Variants in PDE11A observed in about 807,000 individuals in gnomAD.
The protein encoded by PDE11A is phosphodiesterase 11A, also known as dual 3',5'-cyclic-AMP and -GMP phosphodiesterase 11A.
In PDE11A, 100 loss-of-function variants were observed where a neutral mutation model predicts 100.5. The ratio of observed to expected loss-of-function variants is 1.00; its 90% CI spans 0.85 to 1.18. The LOEUF (loss-of-function observed/expected upper bound fraction) is 1.18. Among genes scored for constraint, PDE11A ranks in the 50% most tolerant of loss-of-function variants. PDE11A has a pLI of 0.00. For missense variants in PDE11A, 1,141 were observed against 1,152.6 expected (o/e 0.99, Z 0.15); for synonymous variants, 381 against 420.8 (o/e 0.91, Z 1.16).
intron 2 of PDE11A, among the ~76,000 whole-genome samples, chr2:177,912,242 G>A (rs1047280425): frequency 1.3e-5 from 2 of 152,090 alleles, no homozygotes; most frequent in African/African-American, 4.8e-5. Context: ...TTAGGACAGG[G>A]AAATTGAGGT....
chr2:177,709,633 G>A (rs986175012), intron 13 of PDE11A, among the ~76,000 whole-genome samples: 4 of 152,202 alleles, frequency 2.6e-5, no homozygotes, highest in Non-Finnish European at 4.4e-5. Flanking sequence ...GAAGGATCGT[G>A]AAGAGTGAGA....
chr2:178,105,752 T>C, intron 1 of PDE11A: 4 of 1,117,704 alleles, frequency 3.6e-6, no homozygotes, highest in Non-Finnish European at 4.7e-6. Flanking sequence ...ACCTCACAGC[T>C]CTGAGCCCCT....
rs565303705 is a variant in PDE11A at position 177,626,942 on chromosome 2, C to G, written c.*2465G>C. ...ATTTCCCTTAACCACCTGTCTCGGTCCCTGTCTTTCCTTTACTGGTGTTCT... is the reference window on the plus strand; with the variant it reads ...ATTTCCCTTAACCACCTGTCTCGGTGCCTGTCTTTCCTTTACTGGTGTTCT... On this transcript the variant is annotated 3_prime_UTR_variant, in exon 20 of 20. Coordinates refer to ENST00000286063, the MANE Select transcript of PDE11A (RefSeq NM_016953.4). The G allele has an allele frequency of 6.8e-6, 1 of 146,306 alleles. No homozygotes were observed. Among genetic ancestry groups the G allele is most frequent in the East Asian group, 2.0e-4 (1 of 5,018 alleles). The allele number at this position is 146,306 out of a possible 1,614,324, so 9.1% of individuals were successfully genotyped here. A position where few individuals can be genotyped will look rare whatever the true frequency, so the allele number is the denominator to read the frequency against.
At chr2:177,992,774 C>T (rs1234595276) in intron 2 of PDE11A, among the ~76,000 whole-genome samples, 1 of 152,104 alleles carries the variant, frequency 6.6e-6, no homozygotes, top group Non-Finnish European at 1.5e-5. Flanking sequence ...CAAATATCAG[C>T]CTTAACAAAG....
rs1358550372 is a variant in PDE11A at position 177,625,335 on chromosome 2, T to C, written c.*4072A>G. On this transcript the variant is annotated 3_prime_UTR_variant, in exon 20 of 20. Coordinates refer to ENST00000286063, the MANE Select transcript of PDE11A (RefSeq NM_016953.4). ...GGTGTGGGGACTGAATAAAAGTCAGTGCTTTTATGTAATAGATGGAGATTC... is the reference window on the plus strand; with the variant it reads ...GGTGTGGGGACTGAATAAAAGTCAGCGCTTTTATGTAATAGATGGAGATTC... 1 of 152,672 alleles carries C rather than the reference T, an allele frequency of 6.5e-6. No individual in the cohort carries two copies. The highest frequency in any genetic ancestry group is 6.5e-5 in the Admixed American group (1 of 15,290). The allele number at this position is 152,672 out of a possible 1,614,324, so 9.5% of individuals were successfully genotyped here.
chr2:177,984,356 T>C (rs1359822057), intron 2 of PDE11A, among the ~76,000 whole-genome samples: 4 of 152,190 alleles, frequency 2.6e-5, no homozygotes, highest in Middle Eastern at 3.2e-3. Context: ...CATGATACCA[T>C]ACCATATTGC....
chr2:178,088,776 C>A (rs1179598275), intron 2 of PDE11A, among the ~76,000 whole-genome samples: 1 of 152,138 alleles, frequency 6.6e-6, no homozygotes, highest in South Asian at 2.1e-4. Flanking sequence ...TTCCTGTTAA[C>A]GGTACTACAA....
intron 17 of PDE11A, among the ~76,000 whole-genome samples, chr2:177,673,731 G>A (rs1321759902): frequency 6.6e-6 from 1 of 152,172 alleles, no homozygotes; most frequent in Non-Finnish European, 1.5e-5. Flanking sequence ...TTTTGGTGAT[G>A]AGAAGGGTAA....
At chr2:178,093,988 AT>A (rs1222293237) in intron 2 of PDE11A, among the ~76,000 whole-genome samples, 4 of 152,220 alleles carry the variant, frequency 2.6e-5, no homozygotes, top group African/African-American at 9.6e-5. Context: ...GCTCAGGTAT[AT>A]GTTATCGCTA....
At position 177,705,099 on chromosome 2, in the gene PDE11A, C is replaced by T. The variant is rs556109068; in HGVS notation, c.2154-3888G>A. Among the ~76,000 whole-genome samples the T allele has an allele frequency of 5.3e-5, 8 of 152,252 alleles. No homozygotes were observed. The South Asian group carries it at 1.7e-3, about 32-fold the overall frequency. ...TTGTGATCTGCCCGCCTCGGCCTCC[C>T]AAAGTGATGGGATTATAGGCATGAG... On this transcript the variant is annotated intron_variant, in intron 13 of 19. Coordinates refer to ENST00000286063, the MANE Select transcript of PDE11A (RefSeq NM_016953.4).
chr2:177,806,156 G>A (rs1302925508), intron 9 of PDE11A, among the ~76,000 whole-genome samples: 3 of 152,276 alleles, frequency 2.0e-5, no homozygotes, highest in African/African-American at 7.2e-5. Flanking sequence ...TCTGCCACAG[G>A]AATTTGCTGT....
Position 177,642,680 on chromosome 2 carries a change from A to T in PDE11A, c.2647-13118T>A, listed in dbSNP as rs16865485. Reference sequence around the variant, plus strand: ...TGGGGCTTATTCTGCTGGGAGGTGCATTCTCTTGCTCTTGTCCCTATCTGT... The same window carrying T: ...TGGGGCTTATTCTGCTGGGAGGTGCTTTCTCTTGCTCTTGTCCCTATCTGT... On this transcript the variant is annotated intron_variant, in intron 19 of 19. Transcript: ENST00000286063. Among the ~76,000 whole-genome samples the T allele has an allele frequency of 6.5e-3, 987 of 152,234 alleles. 11 individuals are homozygous for T. The highest frequency in any genetic ancestry group is 0.022 in the African/African-American group (906 of 41,546).
At chr2:177,859,345 C>T (rs1338710483) in intron 5 of PDE11A, among the ~76,000 whole-genome samples, 1 of 151,224 alleles carries the variant, frequency 6.6e-6, no homozygotes, top group Non-Finnish European at 1.5e-5. Flanking sequence ...ACAAAATATC[C>T]ATCAATTGGT....
chr2:177,923,250 C>A (rs1224642581), intron 2 of PDE11A, among the ~76,000 whole-genome samples: 1 of 151,788 alleles, frequency 6.6e-6, no homozygotes, highest in Non-Finnish European at 1.5e-5. Context: ...AGTCACAGTT[C>A]ATGGCAGACT....
intron 1 of PDE11A, among the ~76,000 whole-genome samples, chr2:178,039,534 AAAAT>A (rs1162959161): frequency 6.6e-6 from 1 of 152,174 alleles, no homozygotes; most frequent in Non-Finnish European, 1.5e-5. Context: ...CTAAGAGTTA[AAAAT>A]AAATAAATAA....
intron 2 of PDE11A, among the ~76,000 whole-genome samples, chr2:177,941,121 AC>A (rs1307340681): frequency 2.0e-5 from 3 of 152,112 alleles, no homozygotes; most frequent in Non-Finnish European, 4.4e-5. Context: ...CAAGCTGAAA[AC>A]CGTGCTAGGT....
intron 12 of PDE11A, among the ~76,000 whole-genome samples, chr2:177,724,127 G>A (rs546626468): frequency 1.3e-5 from 2 of 152,058 alleles, no homozygotes; most frequent in Admixed American, 1.3e-4. Context: ...TTTGTCAGAG[G>A]AATTCAAAGT....
chr2:178,094,137 A>G (rs192162103), intron 2 of PDE11A, among the ~76,000 whole-genome samples: 10 of 152,264 alleles, frequency 6.6e-5, no homozygotes, highest in Admixed American at 2.0e-4. Flanking sequence ...AACCAGCACA[A>G]GAAAGTACTG....
chr2:177,993,584 T>C (rs2086030860), intron 2 of PDE11A, among the ~76,000 whole-genome samples: 1 of 152,184 alleles, frequency 6.6e-6, no homozygotes, highest in African/African-American at 2.4e-5. Flanking sequence ...AATCTTCCAA[T>C]AGAATATTGC....
Sources: allele counts gnomAD v4.1 joint callset (sites outside exome capture counted in the v4.1 genomes callset), GRCh38; gene constraint gnomAD v4.1.1; transcripts MANE v1.5; gene names NCBI Gene and HGNC (gene_info 2026-07-23, HGNC 2026-07-21).